Variants in LRBA observed in about 807,000 individuals in gnomAD.
LRBA encodes lipopolysaccharide-responsive and beige-like anchor protein.
LRBA carries 176 observed loss-of-function variants against 330.0 expected under a neutral mutation model. The observed-to-expected ratio is 0.53, with a 90% CI of 0.47 to 0.60. The LOEUF (loss-of-function observed/expected upper bound fraction) is 0.60. Among genes scored for constraint, LRBA ranks in the 20% least tolerant of loss-of-function variants. The pLI is 0.00. For synonymous variants in LRBA, 1,230 were observed against 1,193.0 expected, an observed-to-expected ratio of 1.03 and a Z score of -0.64; for missense variants, 3,259 against 3,444.8, an observed-to-expected ratio of 0.95 and a Z score of 1.35.
chr4:150,624,522 A>C (rs933096948), intron 37 of LRBA, among the ~76,000 whole-genome samples: 1 of 152,210 alleles, frequency 6.6e-6, no homozygotes, highest in Non-Finnish European at 1.5e-5. Context: ...CAGGAAAAAC[A>C]TATCAAACCT....
chr4:150,405,491 T>C (rs542485778), intron 47 of LRBA, among the ~76,000 whole-genome samples: 2 of 152,324 alleles, frequency 1.3e-5, no homozygotes, highest in Middle Eastern at 6.8e-3. Context: ...GAGTACCTGA[T>C]GCACTCTTCT....
chr4:150,493,876 G>C (rs2152108868), intron 40 of LRBA, among the ~76,000 whole-genome samples: 1 of 152,232 alleles, frequency 6.6e-6, no homozygotes, highest in Non-Finnish European at 1.5e-5. Context: ...GCCAAGATGG[G>C]AGGACTGCTT....
At chr4:150,697,286 T>C (rs1784704519) in intron 36 of LRBA, among the ~76,000 whole-genome samples, 1 of 112,094 alleles carries the variant, frequency 8.9e-6, no homozygotes, top group Non-Finnish European at 1.6e-5. Flanking sequence ...ATCACACCAC[T>C]GCACACCAGC....
intron 37 of LRBA, among the ~76,000 whole-genome samples, chr4:150,628,198 T>A (rs1270332385): frequency 1.3e-5 from 2 of 152,306 alleles, no homozygotes; most frequent in East Asian, 3.9e-4. Flanking sequence ...TAAGGCCACA[T>A]TAATAGAATC....
chr4:150,972,011 T>C (rs779487606), intron 2 of LRBA, among the ~76,000 whole-genome samples: 53 of 152,176 alleles, frequency 3.5e-4, no homozygotes, highest in Admixed American at 1.9e-3. Flanking sequence ...TAATTAGAAA[T>C]TTACAGCACA....
chr4:150,899,969 T>C (rs1049817246), intron 14 of LRBA, 80 bp downstream of exon 14: 79 of 1,044,366 alleles, frequency 7.6e-5, no homozygotes, highest in Non-Finnish European at 1.0e-4. Context: ...AAATATATGA[T>C]AGTACTGGTT....
At chr4:150,298,665 T>G (rs1008961570) in intron 53 of LRBA, among the ~76,000 whole-genome samples, 1 of 152,040 alleles carries the variant, frequency 6.6e-6, no homozygotes, top group South Asian at 2.1e-4. Context: ...CTTGTTGTTA[T>G]GAAGAAAAGT....
chr4:150,945,243 T>C (rs1481909969), intron 2 of LRBA, among the ~76,000 whole-genome samples: 2 of 152,122 alleles, frequency 1.3e-5, no homozygotes, highest in African/African-American at 4.8e-5. Flanking sequence ...AAATTACGTA[T>C]AGAAAATAAG....
intron 24 of LRBA, among the ~76,000 whole-genome samples, chr4:150,850,203 C>T (rs1750443190): frequency 6.6e-6 from 1 of 151,752 alleles, no homozygotes; most frequent in Admixed American, 6.6e-5. Context: ...ACACCATTCT[C>T]CTACCTCAGC....
chr4:150,590,688 A>G (rs1051074541), intron 39 of LRBA, 25 bp downstream of exon 39: 3 of 1,609,396 alleles, frequency 1.9e-6, no homozygotes, highest in African/African-American at 1.3e-5. Flanking sequence ...GGTAGCTGAA[A>G]TATCTGCACA....
At chr4:150,274,460 C>T (rs1003242013) in intron 56 of LRBA, among the ~76,000 whole-genome samples, 5 of 152,044 alleles carry the variant, frequency 3.3e-5, no homozygotes, top group African/African-American at 1.2e-4. Context: ...CAGAGGAGAA[C>T]TGAAGGAGAC....
At position 150,697,332 on chromosome 4, in the gene LRBA, A is replaced by AAAAAC. The variant is rs1784726318; in HGVS notation, c.5755-13616_5755-13615insGTTTT. ...GAGTGAGACTTTGTCTCAGAAAAAAAAAAAAAAAAAAAAAAAAAACAGGGA... is the reference window on the plus strand; with the variant it reads ...GAGTGAGACTTTGTCTCAGAAAAAAAAAAACAAAAAAAAAAAAAAAAAAACAGGGA... On this transcript the variant is annotated intron_variant, in intron 36 of 56. Coordinates refer to ENST00000651943, the MANE Select transcript of LRBA (RefSeq NM_001364905.1). 2.1e-5 allele frequency among the ~76,000 whole-genome samples: 3 copies of AAAAAC among 142,730 alleles called. 1 individual carries two copies. The highest frequency in any genetic ancestry group is 4.5e-5 in the Non-Finnish European group (3 of 66,390). 93.6% of individuals were successfully genotyped at this position (142,730 alleles called of 152,430 possible). A position where few individuals can be genotyped will look rare whatever the true frequency, so the allele number is the denominator to read the frequency against.
At chr4:150,811,440 A>AG (rs1400053521) in intron 31 of LRBA, among the ~76,000 whole-genome samples, 1 of 131,194 alleles carries the variant, frequency 7.6e-6, no homozygotes, top group African/African-American at 2.5e-5. Flanking sequence ...AAAAAAAAAA[A>AG]GGGGGTGTGC....
chr4:150,674,337 G>A (rs1441771458), intron 37 of LRBA, among the ~76,000 whole-genome samples: 1 of 151,306 alleles, frequency 6.6e-6, no homozygotes, highest in Non-Finnish European at 1.5e-5. Context: ...AATACAAAAA[G>A]TCAAACAGTC....
In LRBA at chr4:150,852,909, T is replaced by C. The variant is rs1037035276; in HGVS notation, c.2801A>G (p.Asn934Ser). 1.9e-6 allele frequency: 3 copies of C among 1,587,716 alleles called. No individual in the cohort carries two copies. Among genetic ancestry groups the C allele is most frequent in the East Asian group, 2.2e-5 (1 of 44,536 alleles). Reference sequence around the variant, plus strand: ...TTTTCCTTGCTGTTCCCTAAATATATTGGCAAGGTTTTCTTTGTGTATTTC... The same window carrying C: ...TTTTCCTTGCTGTTCCCTAAATATACTGGCAAGGTTTTCTTTGTGTATTTC... ...TFEIHKENLA[N>S]IFREQQGKVD... Residue 934 changes from asparagine to serine, a missense_variant, in exon 23 of 57, where the codon AAT becomes AGT. By Grantham distance (46) the Asn-to-Ser change is conservative. Transcript: ENST00000651943.
At chr4:150,834,168 A>C (rs1455021202) in intron 28 of LRBA, among the ~76,000 whole-genome samples, 2 of 152,152 alleles carry the variant, frequency 1.3e-5, no homozygotes. Context: ...AATTGTAATC[A>C]ATTTCTTCCA....
Position 150,806,295 on chromosome 4 carries a change from G to A in LRBA, c.5494C>T (p.Gln1832Ter). ...LSRTLLGSHG[Q>*]ELLIEGTSLV... Reference sequence around the variant, plus strand: ...CTTGTTCCTTCTATAAGCAGTTCTTGTCCATGGCTACCCAAAAGTGTCCGA... The same window carrying A: ...CTTGTTCCTTCTATAAGCAGTTCTTATCCATGGCTACCCAAAAGTGTCCGA... Residue 1832 changes from glutamine (Q) to a stop codon, truncating the protein, a stop_gained, in exon 33 of 57, where the codon CAA becomes TAA. Transcript: ENST00000651943. LOFTEE classifies it high-confidence loss of function. 6.2e-7 allele frequency: 1 copy of A among 1,605,090 alleles called. No individual in the cohort carries two copies. Among genetic ancestry groups the A allele is most frequent in the Non-Finnish European group, 8.5e-7 (1 of 1,176,038 alleles).
chr4:150,661,903 A>G (rs1331276307), intron 37 of LRBA, among the ~76,000 whole-genome samples: 3 of 152,274 alleles, frequency 2.0e-5, no homozygotes, highest in South Asian at 2.1e-4. Flanking sequence ...TACAGGCATG[A>G]GGCACCACGC....
intron 37 of LRBA, among the ~76,000 whole-genome samples, chr4:150,652,455 G>T (rs1338984035): frequency 6.6e-6 from 1 of 151,894 alleles, no homozygotes; most frequent in Non-Finnish European, 1.5e-5. Context: ...TCTTGTTCTT[G>T]TAACATGTTC....
Sources: gnomAD v4.1 joint callset for allele counts (sites outside exome capture counted in the v4.1 genomes callset) on GRCh38, gnomAD v4.1.1 for gene constraint, MANE v1.5 for transcripts, NCBI Gene and HGNC (gene_info 2026-07-23, HGNC 2026-07-21) for gene names.